CNTNAP4: variants seen among roughly 807,000 people sequenced by gnomAD.
CNTNAP4 encodes the protein contactin associated protein family member 4.
In CNTNAP4, 98 loss-of-function variants were observed where a neutral mutation model predicts 148.4. The observed-to-expected ratio is 0.66, with a 90% confidence interval of 0.56 to 0.78. The LOEUF (loss-of-function observed/expected upper bound fraction) is 0.78, where lower values mean the gene tolerates loss of function less well. CNTNAP4 is among the 30% of genes least tolerant of loss of function. The pLI, the probability that CNTNAP4 is intolerant of heterozygous loss-of-function variation, is 0.00. For missense variants in CNTNAP4, 1,935 were observed against 1,565.6 expected (o/e 1.24, Z -3.98); for synonymous variants, 730 against 565.1 (o/e 1.29, Z -4.14).
chr16:76,448,724 TAG>T, intron 5 of CNTNAP4, 41 bp from the exon 6 acceptor site: 1 of 1,435,290 alleles, frequency 7.0e-7, no homozygotes, highest in Admixed American at 2.7e-5. Context: ...TTTTTTTCTT[TAG>T]ACTGGCAATA....
At chr16:76,475,886 C>T (rs1264000723) in intron 10 of CNTNAP4, 53 bp from the exon 11 acceptor site, 4 of 1,288,196 alleles carry the variant, frequency 3.1e-6, no homozygotes, top group Non-Finnish European at 4.5e-6. Context: ...ATGGTCAATA[C>T]TTTAAGATAT....
chr16:76,361,013 C>T (rs563957074), intron 3 of CNTNAP4, among the ~76,000 whole-genome samples: 3 of 151,284 alleles, frequency 2.0e-5, no homozygotes, highest in East Asian at 3.9e-4. Flanking sequence ...TTGGTAGATA[C>T]GGGGTTTCAC....
At chr16:76,516,112 G>A (rs2083242620) in intron 15 of CNTNAP4, among the ~76,000 whole-genome samples, 1 of 138,528 alleles carries the variant, frequency 7.2e-6, no homozygotes, top group African/African-American at 2.7e-5. Flanking sequence ...CCCCCAACAG[G>A]CCCCATTGTG....
chr16:76,489,413 TTCA>T (rs2082133040), intron 12 of CNTNAP4, among the ~76,000 whole-genome samples: 1 of 152,184 alleles, frequency 6.6e-6, no homozygotes. Context: ...CTTAATATTT[TTCA>T]TCATAAATAT....
Position 76,385,547 on chromosome 16 carries a change from AGTGTGTGTGTGTGT to A in CNTNAP4, c.390+30053_390+30066del, listed in dbSNP as rs3035895. ...TACAAAAATTAACACTTTAATTAGA[AGTGTGTGTGTGTGT>A]GTGTGTGTGTGTGTGTAGAGAGAGT... On this transcript the variant is annotated intron_variant, in intron 3 of 23. Coordinates refer to ENST00000611870, the MANE Select transcript of CNTNAP4 (RefSeq NM_033401.5). Among the ~76,000 whole-genome samples the A allele has an allele frequency of 3.4e-5, 5 of 148,890 alleles. 1 individual carries two copies. Among genetic ancestry groups the A allele is most frequent in the African/African-American group, 7.4e-5 (3 of 40,466 alleles).
At chr16:76,533,286 A>G (rs2084065209) in intron 17 of CNTNAP4, among the ~76,000 whole-genome samples, 1 of 152,150 alleles carries the variant, frequency 6.6e-6, no homozygotes, top group Admixed American at 6.6e-5. Context: ...AGCTAAGGAA[A>G]GGGTGATCTC....
intron 2 of CNTNAP4, among the ~76,000 whole-genome samples, chr16:76,339,827 C>G (rs1964322939): frequency 6.6e-6 from 1 of 152,152 alleles, no homozygotes; most frequent in African/African-American, 2.4e-5. Flanking sequence ...ATGTCCATGG[C>G]TTTCTAATAC....
At chr16:76,401,133 C>T (rs148511606) in intron 3 of CNTNAP4, among the ~76,000 whole-genome samples, 13 of 152,050 alleles carry the variant, frequency 8.5e-5, no homozygotes, top group Admixed American at 5.2e-4. Flanking sequence ...TTGGGCAGTA[C>T]GGCCATTTTA....
intron 2 of CNTNAP4, among the ~76,000 whole-genome samples, chr16:76,322,361 C>T (rs1962514009): frequency 6.6e-6 from 1 of 152,184 alleles, no homozygotes; most frequent in Admixed American, 6.5e-5. Context: ...CTAACAGTCA[C>T]AGAACTTGAG....
Position 76,502,047 on chromosome 16 carries a change from C to T in CNTNAP4, c.2365+3353C>T, listed in dbSNP as rs931777319. ...TCCCGCCACTGCACTCCAGCCTGGG[C>T]GACAGAGCGAGACTCCGTCTCAAAA... On this transcript the variant is annotated intron_variant, in intron 15 of 23. Transcript: ENST00000611870. 6.6e-3 allele frequency among the ~76,000 whole-genome samples: 975 copies of T among 148,834 alleles called. 9 individuals carry two copies. The highest frequency in any genetic ancestry group is 0.023 in the African/African-American group (927 of 40,576).
intron 1 of CNTNAP4, among the ~76,000 whole-genome samples, chr16:76,279,143 C>T (rs943857504): frequency 6.6e-6 from 1 of 152,180 alleles, no homozygotes; most frequent in African/African-American, 2.4e-5. Flanking sequence ...AATGGAAGTT[C>T]TGTAGAAAAG....
At position 76,278,396 on chromosome 16, in the gene CNTNAP4, A is replaced by G. The variant is rs559161587; in HGVS notation, c.85+649A>G. 7.9e-5 allele frequency among the ~76,000 whole-genome samples: 12 copies of G among 152,322 alleles called. No homozygotes were observed. The South Asian group carries it at 2.5e-3, about 32-fold the overall frequency. ...GGAAAACCAGTCAGGTGGTCTTTCA[A>G]AAGTAGGATTCCTTTGTGGTTGAAT... On this transcript the variant is annotated intron_variant, in intron 1 of 23. Transcript: ENST00000611870.
intron 21 of CNTNAP4, among the ~76,000 whole-genome samples, chr16:76,548,457 C>T (rs1248266255): frequency 6.6e-6 from 1 of 151,824 alleles, no homozygotes; most frequent in African/African-American, 2.4e-5. Flanking sequence ...TCATAAAGCA[C>T]TCCTTGTAAT....
At chr16:76,326,939 TAAAG>T (rs1363327173) in intron 2 of CNTNAP4, among the ~76,000 whole-genome samples, 2 of 150,064 alleles carry the variant, frequency 1.3e-5, no homozygotes, top group African/African-American at 4.9e-5. Flanking sequence ...CCCTAAAACT[TAAAG>T]TAAGAATAAA....
intron 21 of CNTNAP4, 90 bp downstream of exon 21, chr16:76,540,880 G>A: frequency 1.1e-5 from 9 of 823,376 alleles, no homozygotes; most frequent in South Asian, 3.1e-5. Context: ...CACCCACTTC[G>A]TCATGGCAAA....
intron 2 of CNTNAP4, among the ~76,000 whole-genome samples, chr16:76,355,021 G>T (rs2012387833): frequency 6.6e-6 from 1 of 152,152 alleles, no homozygotes; most frequent in Admixed American, 6.5e-5. Context: ...TAAGTTCCCA[G>T]TGTTGGCAGG....
chr16:76,299,510 G>C (rs1959702677), intron 1 of CNTNAP4, among the ~76,000 whole-genome samples: 1 of 152,088 alleles, frequency 6.6e-6, no homozygotes, highest in Admixed American at 6.6e-5. Context: ...TGCTGGAGAG[G>C]ATGTGGAGAA....
chr16:76,504,998 A>C (rs2143948507), intron 15 of CNTNAP4, among the ~76,000 whole-genome samples: 1 of 152,288 alleles, frequency 6.6e-6, no homozygotes, highest in South Asian at 2.1e-4. Context: ...AGCAACTAGA[A>C]CTCTGGTACA....
At chr16:76,428,909 C>T (rs1017382489) in intron 4 of CNTNAP4, among the ~76,000 whole-genome samples, 1 of 152,016 alleles carries the variant, frequency 6.6e-6, no homozygotes, top group Non-Finnish European at 1.5e-5. Context: ...CTCCATTTAC[C>T]TCTTTTGAAA....
Sources: allele counts gnomAD v4.1 joint callset (sites outside exome capture counted in the v4.1 genomes callset), GRCh38; gene constraint gnomAD v4.1.1; transcripts MANE v1.5; gene names NCBI Gene and HGNC (gene_info 2026-07-23, HGNC 2026-07-21).